Variants in GRIK2 observed in about 807,000 individuals in gnomAD.
GRIK2 encodes the protein glutamate ionotropic receptor kainate type subunit 2.
Under a neutral mutation model 100.3 loss-of-function variants are expected in GRIK2, and 32 were observed. The ratio of observed to expected loss-of-function variants is 0.32; its 90% CI spans 0.24 to 0.43. The LOEUF is 0.43. Among genes scored for constraint, GRIK2 ranks in the 20% least tolerant of loss-of-function variants. The probability of loss-of-function intolerance (pLI) is 1.00; values close to 1 mark genes in which losing one functional copy is unlikely to be tolerated. For synonymous variants in GRIK2, 417 were observed against 389.4 expected, an observed-to-expected ratio of 1.07 and a Z score of -0.83; for missense variants, 843 against 1,114.9, an observed-to-expected ratio of 0.76 and a Z score of 3.47.
chr6:101,585,729 G>A (rs936587004), intron 2 of GRIK2, among the ~76,000 whole-genome samples: 2 of 152,046 alleles, frequency 1.3e-5, no homozygotes, highest in Non-Finnish European at 2.9e-5. Context: ...GACACATTAT[G>A]AGCAATGATG....
chr6:102,013,924 C>A (rs1037621507), intron 14 of GRIK2, among the ~76,000 whole-genome samples: 5 of 152,016 alleles, frequency 3.3e-5, no homozygotes, highest in African/African-American at 1.2e-4. Context: ...GTTTTGGTAT[C>A]AGAATGATGT....
chr6:101,668,357 T>C (rs1399952602), intron 4 of GRIK2, among the ~76,000 whole-genome samples: 5 of 152,220 alleles, frequency 3.3e-5, no homozygotes, highest in African/African-American at 9.6e-5. Context: ...GCCAATCTAC[T>C]ACTTGTGTCA....
At chr6:101,954,803 C>T (rs1791815344) in intron 14 of GRIK2, among the ~76,000 whole-genome samples, 1 of 151,932 alleles carries the variant, frequency 6.6e-6, no homozygotes, top group African/African-American at 2.4e-5. Flanking sequence ...CGGGGGAAAA[C>T]ATTTTTCCTT....
intron 2 of GRIK2, among the ~76,000 whole-genome samples, chr6:101,457,178 T>G (rs570044368): frequency 3.9e-5 from 6 of 152,140 alleles, no homozygotes; most frequent in Admixed American, 6.5e-5. Context: ...CATAGGAATT[T>G]ATGAACAAAT....
chr6:101,842,011 G>A (rs1254844055), intron 10 of GRIK2, among the ~76,000 whole-genome samples: 5 of 152,076 alleles, frequency 3.3e-5, no homozygotes, highest in Admixed American at 1.3e-4. Context: ...GCCATAACTG[G>A]AGTGGGGATA....
At chr6:101,516,080 A>G (rs1020156917) in intron 2 of GRIK2, among the ~76,000 whole-genome samples, 1 of 152,022 alleles carries the variant, frequency 6.6e-6, no homozygotes, top group African/African-American at 2.4e-5. Context: ...ATCCATCTTG[A>G]GTTGAGATGA....
chr6:101,954,631 C>T (rs879362241), intron 14 of GRIK2, among the ~76,000 whole-genome samples: 4 of 152,104 alleles, frequency 2.6e-5, no homozygotes, highest in Non-Finnish European at 5.9e-5. Context: ...TTCCTATATA[C>T]AAGATCCTGT....
chr6:101,876,160 T>A (rs1432306904), intron 11 of GRIK2, among the ~76,000 whole-genome samples: 3 of 151,852 alleles, frequency 2.0e-5, no homozygotes, highest in African/African-American at 7.2e-5. Context: ...CTGTTAATTA[T>A]GTAAATAGTA....
chr6:101,741,115 A>G (rs75939270), intron 7 of GRIK2, among the ~76,000 whole-genome samples: 1 of 152,210 alleles, frequency 6.6e-6, no homozygotes, highest in Non-Finnish European at 1.5e-5. Flanking sequence ...CAAGCATGCA[A>G]GTATGCAACT....
At chr6:101,960,567 G>C (rs2128482233) in intron 14 of GRIK2, among the ~76,000 whole-genome samples, 1 of 152,022 alleles carries the variant, frequency 6.6e-6, no homozygotes, top group East Asian at 1.9e-4. Context: ...CTTCAATTCT[G>C]GGTGCTTTCA....
intron 14 of GRIK2, among the ~76,000 whole-genome samples, chr6:101,998,368 G>T (rs1367985893): frequency 6.6e-6 from 1 of 151,808 alleles, no homozygotes; most frequent in Non-Finnish European, 1.5e-5. Flanking sequence ...TTTTCATTTT[G>T]CTTAAATATT....
chr6:101,719,166 TTTTTTTTTTTG>T, intron 7 of GRIK2, among the ~76,000 whole-genome samples: 1 of 108,084 alleles, frequency 9.3e-6, no homozygotes, highest in African/African-American at 3.4e-5. Context: ...TTTTTTTTTT[TTTTTTTTTTTG>T]ATGAATACAT....
At chr6:101,783,725 G>T (rs1382160226) in intron 7 of GRIK2, among the ~76,000 whole-genome samples, 4 of 152,196 alleles carry the variant, frequency 2.6e-5, no homozygotes, top group Admixed American at 6.5e-5. Context: ...GGTGGTCTCA[G>T]ATGCAGATGA....
intron 4 of GRIK2, among the ~76,000 whole-genome samples, chr6:101,672,823 A>G (rs1770542729): frequency 6.6e-6 from 1 of 152,106 alleles, no homozygotes; most frequent in Admixed American, 6.5e-5. Flanking sequence ...TATGTACCAC[A>G]TTTTCTGGTA....
At chr6:101,561,651 G>GA (rs201303642) in intron 2 of GRIK2, among the ~76,000 whole-genome samples, 30 of 150,918 alleles carry the variant, frequency 2.0e-4, no homozygotes, top group African/African-American at 4.9e-4. Flanking sequence ...TAAAAATACA[G>GA]AAAAAAAAGA....
In GRIK2 at chr6:101,661,744, T is replaced by C. The variant is rs1890075; in HGVS notation, c.542-14879T>C. ...TAGGGGAGGGAGTTCCCCAACCCCT[T>C]GCACTTCCCGTGTGAGGCGATGCCC... On this transcript the variant is annotated intron_variant, in intron 4 of 16. Coordinates refer to ENST00000369134, the MANE Select transcript of GRIK2 (RefSeq NM_021956.5). 1.7e-3 allele frequency among the ~76,000 whole-genome samples: 257 copies of C among 152,132 alleles called. 2 individuals are homozygous for C. Among genetic ancestry groups the C allele is most frequent in the African/African-American group, 6.1e-3 (255 of 41,518 alleles).
intron 2 of GRIK2, among the ~76,000 whole-genome samples, chr6:101,543,007 A>G (rs1242221625): frequency 6.6e-6 from 1 of 152,088 alleles, no homozygotes; most frequent in East Asian, 1.9e-4. Context: ...CAAGGAAAAA[A>G]TTTTGTTGTA....
At chr6:101,841,622 C>T (rs944164963) in intron 10 of GRIK2, among the ~76,000 whole-genome samples, 2 of 152,098 alleles carry the variant, frequency 1.3e-5, no homozygotes, top group Non-Finnish European at 2.9e-5. Context: ...CCTGAGCCTC[C>T]CAAAGTGCTG....
intron 10 of GRIK2, among the ~76,000 whole-genome samples, chr6:101,851,523 A>AT (rs1330850369): frequency 1.3e-5 from 2 of 152,050 alleles, no homozygotes; most frequent in African/African-American, 4.8e-5. Flanking sequence ...AAGAAAAAGC[A>AT]TTTTTAGATA....
Sources: gnomAD v4.1 joint callset for allele counts (sites outside exome capture counted in the v4.1 genomes callset) on GRCh38, gnomAD v4.1.1 for gene constraint, MANE v1.5 for transcripts, NCBI Gene and HGNC (gene_info 2026-07-23, HGNC 2026-07-21) for gene names.